GSDMA: variants seen among roughly 807,000 people sequenced by gnomAD.
GSDMA encodes gasdermin-A.
Under a neutral mutation model 54.3 loss-of-function variants are expected in GSDMA, and 55 were observed. The ratio of observed to expected loss-of-function variants is 1.01; its 90% CI spans 0.82 to 1.27. The LOEUF is 1.27. GSDMA is among the 50% of genes most tolerant of loss of function. The pLI, the probability that GSDMA is intolerant of heterozygous loss-of-function variation, is 0.00. For missense variants in GSDMA, 542 were observed against 542.6 expected (o/e 1.00, Z 0.01); for synonymous variants, 211 against 224.7 (o/e 0.94, Z 0.54).
intron 1 of GSDMA, among the ~76,000 whole-genome samples, chr17:39,964,885 G>C (rs1037209714): frequency 6.6e-6 from 1 of 152,088 alleles, no homozygotes; most frequent in African/African-American, 2.4e-5. Flanking sequence ...CCAGCACTTC[G>C]GGAGGCTGAG....
rs1292156900 is a variant in GSDMA, at chr17:39,974,838, C to CTGGGCCCTGGGT, written c.907-53_907-42dup. On this transcript the variant is annotated intron_variant, in intron 9 of 11. Transcript: ENST00000301659. ...CCGCATGTCAAGGGGTTATTATGTG[C>CTGGGCCCTGGGT]TGGGCCCTGGGTTGGGCCCTTTCCT... 4.6e-6 allele frequency: 4 copies of CTGGGCCCTGGGT among 878,760 alleles called. No homozygotes were observed. The East Asian group carries it at 7.7e-5, about 17-fold the overall frequency. The allele number at this position is 878,760 out of a possible 1,614,324, so 54.4% of individuals were successfully genotyped here. A position where few individuals can be genotyped will look rare whatever the true frequency, so the allele number is the denominator to read the frequency against.
intron 3 of GSDMA, among the ~76,000 whole-genome samples, chr17:39,966,918 A>G (rs1437463311): frequency 1.3e-5 from 2 of 152,092 alleles, no homozygotes; most frequent in Admixed American, 6.5e-5. Flanking sequence ...CCCAATACAC[A>G]CTAAGCACGC....
chr17:39,966,131 T>C, intron 2 of GSDMA, 129 bp from the exon 3 acceptor site: 1 of 981,078 alleles, frequency 1.0e-6, no homozygotes, highest in Non-Finnish European at 1.6e-6. Context: ...CTTGCTTTGT[T>C]GCCCAGGCTG....
intron 9 of GSDMA, 29 bp downstream of exon 9, chr17:39,974,456 T>C: frequency 6.6e-7 from 1 of 1,526,306 alleles, no homozygotes; most frequent in Non-Finnish European, 8.8e-7. Flanking sequence ...TGGGGAAGGG[T>C]GGGAGAAGGC....
chr17:39,963,266 G>A (rs1979494097), intron 1 of GSDMA, among the ~76,000 whole-genome samples, 181 bp downstream of exon 1: 1 of 151,786 alleles, frequency 6.6e-6, no homozygotes, highest in South Asian at 2.1e-4. Context: ...GGCTGCTGTT[G>A]CCCAAGCCCT....
chr17:39,971,692 C>A, intron 5 of GSDMA, 72 bp downstream of exon 5: 2 of 1,117,468 alleles, frequency 1.8e-6, no homozygotes, highest in South Asian at 1.3e-5. Context: ...ACCCTGGTCC[C>A]CTCTTGCGGA....
chr17:39,963,413 C>T (rs559193753), intron 1 of GSDMA, among the ~76,000 whole-genome samples: 8 of 152,190 alleles, frequency 5.3e-5, no homozygotes, highest in Non-Finnish European at 2.9e-5. Flanking sequence ...CCTGCCCCCC[C>T]TGCTGCTGTG....
At chr17:39,966,208 T>C in intron 2 of GSDMA, 52 bp from the exon 3 acceptor site, 20 of 1,585,014 alleles carry the variant, frequency 1.3e-5, no homozygotes, top group Non-Finnish European at 1.7e-5. Flanking sequence ...ATTACAGGCA[T>C]GAGTTACTGC....
chr17:39,975,345 A>G (rs568440533), intron 10 of GSDMA, among the ~76,000 whole-genome samples: 3 of 152,066 alleles, frequency 2.0e-5, no homozygotes, highest in African/African-American at 7.2e-5. Context: ...GCTACTCTGA[A>G]GGCTAAGGCA....
In GSDMA at chr17:39,968,749, C is replaced by T. The variant is rs143328020; in HGVS notation, c.393-1733C>T. Reference sequence around the variant, plus strand: ...GAGGAATGGATGCAATGCCCATTGCCAACGGTGATAGAATGGCCTGGGCTT... The same window carrying T: ...GAGGAATGGATGCAATGCCCATTGCTAACGGTGATAGAATGGCCTGGGCTT... On this transcript the variant is annotated intron_variant, in intron 3 of 11. Coordinates refer to ENST00000301659, the MANE Select transcript of GSDMA (RefSeq NM_178171.5). Among the ~76,000 whole-genome samples, 774 of 152,166 alleles carry T rather than the reference C, an allele frequency of 5.1e-3. 5 individuals are homozygous for T. The Middle Eastern group carries it at 0.065, about 13-fold the overall frequency.
intron 3 of GSDMA, among the ~76,000 whole-genome samples, chr17:39,969,311 C>T (rs1979820754): frequency 6.7e-6 from 1 of 149,132 alleles, no homozygotes; most frequent in Admixed American, 6.7e-5. Context: ...GATCGAGCCA[C>T]TGCACTTCAG....
intron 10 of GSDMA, 111 bp from the exon 11 acceptor site, chr17:39,975,813 G>A (rs945852287): frequency 6.4e-6 from 5 of 779,480 alleles, no homozygotes; most frequent in African/African-American, 1.8e-5. Flanking sequence ...TAACACCTGC[G>A]TTGTAATTAC....
intron 5 of GSDMA, among the ~76,000 whole-genome samples, chr17:39,971,838 G>A (rs1030808664): frequency 2.6e-5 from 4 of 152,298 alleles, no homozygotes; most frequent in Non-Finnish European, 2.9e-5. Context: ...GTTATTGGGG[G>A]AGGGGGTACA....
chr17:39,968,130 T>C (rs914285494), intron 3 of GSDMA, among the ~76,000 whole-genome samples: 2 of 152,038 alleles, frequency 1.3e-5, no homozygotes, highest in Non-Finnish European at 2.9e-5. Context: ...GTTCTGGGAT[T>C]ACAGGGAAGT....
At chr17:39,966,110 A>G (rs762502209) in intron 2 of GSDMA, 150 bp from the exon 3 acceptor site, 7 of 863,642 alleles carry the variant, frequency 8.1e-6, no homozygotes, top group Non-Finnish European at 1.3e-5. Context: ...TTGTTTTTGT[A>G]GAGATGGGTT....
intron 11 of GSDMA, 23 bp downstream of exon 11, chr17:39,976,020 T>G: frequency 6.4e-7 from 1 of 1,553,906 alleles, no homozygotes; most frequent in Middle Eastern, 1.7e-4. Flanking sequence ...CAGCAGATGC[T>G]GGGGAGAGTC....
At chr17:39,965,593 ACTCT>A (rs1238076819) in intron 1 of GSDMA, 86 bp from the exon 2 acceptor site, 21 of 904,940 alleles carry the variant, frequency 2.3e-5, no homozygotes, top group Non-Finnish European at 3.7e-5. Flanking sequence ...AGCCGGGTAA[ACTCT>A]CTCTGCAGGG....
chr17:39,973,942 C>T, intron 8 of GSDMA, 112 bp downstream of exon 8: 1 of 1,051,998 alleles, frequency 9.5e-7, no homozygotes, highest in Non-Finnish European at 1.4e-6. Flanking sequence ...GAAGGGAAAA[C>T]AGACTTTCTT....
chr17:39,967,842 TTTTA>T lies in GSDMA; in HGVS notation c.392+1417_392+1420del, dbSNP rs533072545. 8.7e-3 allele frequency among the ~76,000 whole-genome samples: 1,322 copies of T among 151,682 alleles called. 11 individuals carry two copies. Among genetic ancestry groups the T allele is most frequent in the African/African-American group, 0.03 (1,254 of 41,292 alleles). ...TGCCCGCCACTACGCCCGGATAATT[TTTTA>T]TTTATTTATTTTATTTATTTATTTA... On this transcript the variant is annotated intron_variant, in intron 3 of 11. Transcript: ENST00000301659.
Sources: gnomAD v4.1 joint callset for allele counts (sites outside exome capture counted in the v4.1 genomes callset) on GRCh38, gnomAD v4.1.1 for gene constraint, MANE v1.5 for transcripts, NCBI Gene and HGNC (gene_info 2026-07-23, HGNC 2026-07-21) for gene names.